The following SZT2 variants were observed in gnomAD, a reference collection of about 807,000 sequenced individuals.
SZT2 encodes the protein KICSTOR complex protein SZT2.
In SZT2, 216 loss-of-function variants were observed where a neutral mutation model predicts 404.2. That is an observed-to-expected ratio of 0.53 (90% CI 0.48 to 0.60). The LOEUF (loss-of-function observed/expected upper bound fraction) is 0.60. Ranked by LOEUF, SZT2 falls within the 20% of genes least tolerant of loss-of-function variation. The pLI is 0.00. For missense variants in SZT2, 3,857 were observed against 4,459.2 expected (o/e 0.86, Z 3.85); for synonymous variants, 1,693 against 1,749.9 (o/e 0.97, Z 0.81).
chr1:43,453,638 CG>C lies in SZT2; in HGVS notation c.*3159del. The C allele has an allele frequency of 6.7e-7, 1 of 1,491,598 alleles. No individual in the cohort carries two copies. The allele number at this position is 1,491,598 out of a possible 1,614,324, so 92.4% of individuals were successfully genotyped here. Reference sequence around the variant, plus strand: ...GTACAAGCCGCAGCCCCGCTTCTCGCGCGGCGCGCGCCAGCGCCTCAGGCGT... The same window carrying C: ...GTACAAGCCGCAGCCCCGCTTCTCGCCGGCGCGCGCCAGCGCCTCAGGCGT... On this transcript the variant is annotated 3_prime_UTR_variant, in exon 72 of 72. Coordinates refer to ENST00000634258, the MANE Select transcript of SZT2 (RefSeq NM_001365999.1).
chr1:43,414,309 G>A (rs1230924147), intron 4 of SZT2, among the ~76,000 whole-genome samples: 2 of 152,020 alleles, frequency 1.3e-5, no homozygotes, highest in African/African-American at 4.8e-5. Flanking sequence ...AAAAAAACTT[G>A]AAGTGGTGGA....
rs1252163442 is a variant in SZT2, at chr1:43,430,120, C to G, written c.4401+17C>G. 1 of 1,613,280 alleles carries G rather than the reference C, an allele frequency of 6.2e-7. No homozygotes were observed. Among genetic ancestry groups the G allele is most frequent in the African/African-American group, 1.3e-5 (1 of 74,874 alleles). On this transcript the variant is annotated intron_variant, in intron 30 of 71. Transcript: ENST00000634258. Reference sequence around the variant, plus strand: ...AGGCGAGAAGTGAGTGGCTCTCTTCCTTACCTCTCTCGTGCCCTCAACCCA... The same window carrying G: ...AGGCGAGAAGTGAGTGGCTCTCTTCGTTACCTCTCTCGTGCCCTCAACCCA...
At position 43,431,388 on chromosome 1, in the gene SZT2, C is replaced by T. The variant is rs1002347006; in HGVS notation, c.5024+16C>T. On this transcript the variant is annotated intron_variant, in intron 34 of 71. Coordinates refer to ENST00000634258, the MANE Select transcript of SZT2 (RefSeq NM_001365999.1). ...AAGAGGAGAGGTACTTCTTTATCTC[C>T]CTGTCAGAGTTCATTACTGCTTTTC... The T allele has an allele frequency of 1.2e-6, 2 of 1,612,432 alleles. No individual in the cohort carries two copies. The highest frequency in any genetic ancestry group is 1.6e-4 in the Middle Eastern group (1 of 6,062).
intron 1 of SZT2, among the ~76,000 whole-genome samples, chr1:43,395,075 A>G (rs1648829858): frequency 6.6e-6 from 1 of 152,138 alleles, no homozygotes; most frequent in East Asian, 1.9e-4. Context: ...ATTCAAAATA[A>G]CCTTCAAGGA....
rs779827650 is a variant in SZT2, at chr1:43,437,824, C to T, written c.6430C>T (p.Arg2144Cys). The stretch of plus-strand genomic sequence containing the variant: ...TTCTCCCTTAGACATGGTCTCTAGC[C>T]GCAGTTCAGATGCTGCTCGTCCTGT... ...PRSPLDMVSS[R>C]SSDAARPVGQ... Residue 2144 changes from arginine to cysteine, a missense_variant, in exon 46 of 72, where the codon CGC (arginine) becomes TGC (cysteine). By Grantham distance (180) the Arg-to-Cys change is radical. Coordinates refer to ENST00000634258, the MANE Select transcript of SZT2 (RefSeq NM_001365999.1). The surrounding 1 kb of genome is among the most constrained non-coding windows in gnomAD (Gnocchi z 5.3). The T allele has an allele frequency of 9.3e-6, 15 of 1,614,134 alleles. No individual in the cohort carries two copies. The highest frequency in any genetic ancestry group is 2.2e-5 in the East Asian group (1 of 44,886).
In SZT2 at chr1:43,426,010, A is replaced by G. The variant is rs376588855; in HGVS notation, c.2930-28A>G. The G allele has an allele frequency of 5.8e-5, 94 of 1,613,388 alleles. No homozygotes were observed. The highest frequency in any genetic ancestry group is 2.5e-4 in the South Asian group (23 of 91,040). On this transcript the variant is annotated intron_variant, in intron 20 of 71. Transcript: ENST00000634258. This position sits in a 1 kb window ranked among gnomAD's most constrained non-coding sequence, Gnocchi z 4.9. Reference sequence around the variant, plus strand: ...GAGTGGGTAGGGTAATCTGCGTCTCACTGTGTCCTGTCCTTCCTCCCTCGT... The same window carrying G: ...GAGTGGGTAGGGTAATCTGCGTCTCGCTGTGTCCTGTCCTTCCTCCCTCGT...
chr1:43,390,739 A>G (rs839755), intron 1 of SZT2, among the ~76,000 whole-genome samples: 1 of 152,136 alleles, frequency 6.6e-6, no homozygotes, highest in Non-Finnish European at 1.5e-5. Flanking sequence ...ACCTTACTCA[A>G]ATGCCACTCA....
chr1:43,420,445 G>T lies in SZT2; in HGVS notation c.1261+122G>T. The T allele has an allele frequency of 7.8e-7, 1 of 1,282,638 alleles. No individual in the cohort carries two copies. Among genetic ancestry groups the T allele is most frequent in the Non-Finnish European group, 1.0e-6 (1 of 958,778 alleles). The allele number at this position is 1,282,638 out of a possible 1,614,324, so 79.5% of individuals were successfully genotyped here. On this transcript the variant is annotated intron_variant, in intron 9 of 71. Transcript: ENST00000634258. This position sits in a 1 kb window ranked among gnomAD's most constrained non-coding sequence, Gnocchi z 5.1. Reference sequence around the variant, plus strand: ...GAAGTCCTTATCACTTGAGACAGTGGGTTTTGAATTGTCATCAGGGCTTAA... The same window carrying T: ...GAAGTCCTTATCACTTGAGACAGTGTGTTTTGAATTGTCATCAGGGCTTAA...
In SZT2 at chr1:43,439,371, C is replaced by A. The variant is rs760907286; in HGVS notation, c.6806C>A (p.Pro2269Gln). Reference protein sequence around the residue: ...SRNHFQHPLPPQGGLPDLDIY... With the variant: ...SRNHFQHPLPQQGGLPDLDIY... The stretch of plus-strand genomic sequence containing the variant: ...TTCTTTCCCCAGCATCCACTCCCAC[C>A]ACAGGGTGGCCTCCCTGACTTGGAC... Residue 2269 changes from proline (P) to glutamine (Q), a missense_variant, in exon 49 of 72, where the codon CCA (proline) becomes CAA (glutamine). Physicochemically the swap from Pro to Gln is moderately conservative, Grantham distance 76 (BLOSUM62 -1). Coordinates refer to ENST00000634258, the MANE Select transcript of SZT2 (RefSeq NM_001365999.1). The surrounding 1 kb of genome is among the most constrained non-coding windows in gnomAD (Gnocchi z 4.2). 4 of 1,614,052 alleles carry A rather than the reference C, an allele frequency of 2.5e-6. No individual in the cohort carries two copies. Among genetic ancestry groups the A allele is most frequent in the Non-Finnish European group, 3.4e-6 (4 of 1,179,994 alleles).
Position 43,454,003 on chromosome 1 carries a change from G to GGGGCGGAGCGA in SZT2, c.*3530_*3540dup, listed in dbSNP as rs1553158780. 2 of 1,179,168 alleles carry GGGGCGGAGCGA rather than the reference G, an allele frequency of 1.7e-6. No homozygotes were observed. Among genetic ancestry groups the GGGGCGGAGCGA allele is most frequent in the Non-Finnish European group, 2.1e-6 (2 of 954,646 alleles). The allele number at this position is 1,179,168 out of a possible 1,614,324, so 73.0% of individuals were successfully genotyped here. ...GAGAGGGATCACGGGGAGAGGCGAA[G>GGGGCGGAGCGA]GGGCGGAGCGAGGGCGGCCGGAAAA... On this transcript the variant is annotated 3_prime_UTR_variant, in exon 72 of 72. Coordinates refer to ENST00000634258, the MANE Select transcript of SZT2 (RefSeq NM_001365999.1).
chr1:43,402,255 A>T (rs1214822578), intron 1 of SZT2, among the ~76,000 whole-genome samples: 2 of 152,342 alleles, frequency 1.3e-5, no homozygotes, highest in East Asian at 3.9e-4. Flanking sequence ...TGAATGTGAC[A>T]GATAAGCATT....
rs777359508 is a variant in SZT2, at chr1:43,443,197, G to A, written c.8429G>A (p.Arg2810His). The A allele has an allele frequency of 8.1e-6, 13 of 1,614,046 alleles. No homozygotes were observed. The highest frequency in any genetic ancestry group is 2.2e-5 in the South Asian group (2 of 91,086). ...TGCCCTCAACCCTCAGAGCTGGAGC[G>A]CCAGATGAAGATGGAAAACCTGTTT... The part of the protein sequence containing the change: ...IKMAERRELE[R>H]QMKMENLFVT... The change falls in exon 60 of 72, where the codon CGC (arginine) becomes CAC (histidine). Residue 2810 changes from arginine (R) to histidine (H), a missense_variant. By Grantham distance (29) the Arg-to-His change is conservative. Transcript: ENST00000634258.
chr1:43,415,320 T>C, intron 5 of SZT2, 107 bp downstream of exon 5: 1 of 1,387,940 alleles, frequency 7.2e-7, no homozygotes, highest in Admixed American at 2.2e-5. Flanking sequence ...GGCTAAGAGC[T>C]GGGGCAAAAT....
intron 40 of SZT2, 144 bp downstream of exon 40, chr1:43,433,334 G>GTT: frequency 1.2e-6 from 1 of 824,104 alleles, no homozygotes; most frequent in Non-Finnish European, 1.9e-6. Flanking sequence ...TTAGGTTGGT[G>GTT]GTTCCCGATC....
intron 7 of SZT2, among the ~76,000 whole-genome samples, chr1:43,417,635 A>G (rs984761969): frequency 2.0e-5 from 3 of 152,222 alleles, no homozygotes; most frequent in Non-Finnish European, 4.4e-5. Context: ...AGATTGTAAA[A>G]GTACTTATCT....
intron 51 of SZT2, 138 bp downstream of exon 51, chr1:43,440,186 T>C: frequency 7.7e-7 from 1 of 1,294,912 alleles, no homozygotes; most frequent in East Asian, 2.4e-5. Flanking sequence ...TTATTCACAG[T>C]TGTCCGTGAG....
Position 43,424,475 on chromosome 1 carries a change from A to C in SZT2, c.2471+43A>C, listed in dbSNP as rs190626677. On this transcript the variant is annotated intron_variant, in intron 16 of 71. Transcript: ENST00000634258. This position sits in a 1 kb window ranked among gnomAD's most constrained non-coding sequence, Gnocchi z 4.1. ...GCCAGGTCACTCGGGGCAAGGAGAG[A>C]GCAAGTGTAGACTGGGACACTAGCA... The C allele has an allele frequency of 4.4e-6, 7 of 1,580,906 alleles. No homozygotes were observed. In the Admixed American group the frequency reaches 1.2e-4, roughly 26 times the overall value.
At position 43,423,242 on chromosome 1, in the gene SZT2, G is replaced by C; in HGVS notation, c.2181G>C (p.Leu727=). 6.3e-7 allele frequency: 1 copy of C among 1,590,886 alleles called. No individual in the cohort carries two copies. The highest frequency in any genetic ancestry group is 1.1e-5 in the South Asian group (1 of 89,958). The change falls in exon 15 of 72, where the codon CTG becomes CTC. Residue 727 remains leucine, a synonymous_variant. Transcript: ENST00000634258. ...GSSPSKSPPV[L]GPQQALSDRP... ...CTCCCTCCAAGTCACCCCCCGTGCT[G>C]GGGCCACAGCAGGCCCTGTCTGACC...
rs753611398 is a variant in SZT2, at chr1:43,450,308, C to G, written c.10156-29C>G. ...TATCCCCACCCATGCCCTCCTCTCA[C>G]CAGTGCATCCCCACCGTGTTCCCCA... On this transcript the variant is annotated intron_variant, in intron 71 of 71. Coordinates refer to ENST00000634258, the MANE Select transcript of SZT2 (RefSeq NM_001365999.1). This position sits in a 1 kb window ranked among gnomAD's most constrained non-coding sequence, Gnocchi z 4.3. 6.2e-7 allele frequency: 1 copy of G among 1,613,866 alleles called. No individual in the cohort carries two copies. The highest frequency in any genetic ancestry group is 8.5e-7 in the Non-Finnish European group (1 of 1,179,844).
Sources: allele counts gnomAD v4.1 joint callset (sites outside exome capture counted in the v4.1 genomes callset), GRCh38; gene constraint gnomAD v4.1.1; non-coding constraint Gnocchi (gnomAD v3.1); transcripts MANE v1.5; gene names NCBI Gene and HGNC (gene_info 2026-07-23, HGNC 2026-07-21).